EVC: variants seen among roughly 807,000 people sequenced by gnomAD.
EVC encodes the protein evC complex member EVC.
Under a neutral mutation model 118.9 loss-of-function variants are expected in EVC, and 116 were observed. The ratio of observed to expected loss-of-function variants is 0.98; its 90% CI spans 0.84 to 1.14. EVC has a LOEUF of 1.14. EVC is among the 50% of genes most tolerant of loss of function. The pLI is 0.00. For missense variants in EVC, 1,401 were observed against 1,246.4 expected, an observed-to-expected ratio of 1.12 and a Z score of -1.87; for synonymous variants, 619 against 534.7, an observed-to-expected ratio of 1.16 and a Z score of -2.18.
the EVC span, chr4:5,826,815 C>T: frequency 2.6e-5 from 4 of 152,548 alleles, no homozygotes; most frequent in Non-Finnish European, 5.9e-5. Context: ...TGATAGCACC[C>T]TGACCCCCAG....
chr4:5,733,284 GC>G, intron 4 of EVC, 66 bp from the exon 5 acceptor site: 1 of 1,318,898 alleles, frequency 7.6e-7, no homozygotes, highest in South Asian at 1.2e-5. Flanking sequence ...TGAGGGACGT[GC>G]CAATATTCTT....
chr4:5,777,393 C>T (rs1577537271), intron 11 of EVC, among the ~76,000 whole-genome samples: 1 of 152,098 alleles, frequency 6.6e-6, no homozygotes, highest in Non-Finnish European at 1.5e-5. Flanking sequence ...CAGGCCCCCA[C>T]CCGTAATGAA....
At chr4:5,828,712 C>A in the EVC span, 1 of 1,599,292 alleles carries the variant, frequency 6.3e-7, no homozygotes, top group Non-Finnish European at 8.6e-7. Context: ...TTTGCTCTGC[C>A]CCAAACGAGC....
chr4:5,769,103 G>A (rs188513652), intron 11 of EVC, among the ~76,000 whole-genome samples: 287 of 152,182 alleles, frequency 1.9e-3, no homozygotes, highest in Middle Eastern at 0.014. Flanking sequence ...AGATATACCC[G>A]AGACTGAGTA....
chr4:5,781,850 T>C (rs557252274), intron 11 of EVC, among the ~76,000 whole-genome samples: 26 of 152,078 alleles, frequency 1.7e-4, no homozygotes, highest in Admixed American at 3.3e-4. Flanking sequence ...AAAAAGCATC[T>C]GCACAATGAA....
chr4:5,775,861 A>G (rs943980831), intron 11 of EVC, among the ~76,000 whole-genome samples: 1 of 152,178 alleles, frequency 6.6e-6, no homozygotes, highest in African/African-American at 2.4e-5. Flanking sequence ...AAGATTTGGA[A>G]TTTATAGGTC....
chr4:5,782,969 G>T (rs1362720714), intron 11 of EVC, among the ~76,000 whole-genome samples: 1 of 152,146 alleles, frequency 6.6e-6, no homozygotes, highest in Admixed American at 6.5e-5. Context: ...GAGAGCAGGT[G>T]TGAAGCTTGG....
chr4:5,779,764 A>G (rs1735295762), intron 11 of EVC, among the ~76,000 whole-genome samples: 1 of 136,114 alleles, frequency 7.3e-6, no homozygotes, highest in Admixed American at 7.7e-5. Flanking sequence ...GGTTTTCTAG[A>G]TATACAATCA....
chr4:5,828,165 T>C, the EVC span: 1 of 985,394 alleles, frequency 1.0e-6, no homozygotes, highest in East Asian at 1.1e-4. Context: ...GCACCTCCCG[T>C]GGGTGGGCAG....
chr4:5,734,516 G>A (rs1294023307), intron 5 of EVC, among the ~76,000 whole-genome samples: 2 of 152,076 alleles, frequency 1.3e-5, no homozygotes, highest in Non-Finnish European at 2.9e-5. Flanking sequence ...ACTTAGCCTG[G>A]TGCAGTGGTG....
At chr4:5,747,828 A>G (rs900255223) in intron 7 of EVC, among the ~76,000 whole-genome samples, 4 of 152,240 alleles carry the variant, frequency 2.6e-5, no homozygotes, top group African/African-American at 7.2e-5. Flanking sequence ...GTCACATTTC[A>G]TCGGCCCCTA....
chr4:5,733,937 A>G (rs1727258080), intron 5 of EVC, among the ~76,000 whole-genome samples: 1 of 152,160 alleles, frequency 6.6e-6, no homozygotes, highest in East Asian at 1.9e-4. Context: ...AAAGTTATAA[A>G]GCTGCAGGAG....
Position 5,741,217 on chromosome 4 carries a change from A to G in EVC, c.703-499A>G, listed in dbSNP as rs546233511. 2.2e-3 allele frequency among the ~76,000 whole-genome samples: 329 copies of G among 152,324 alleles called. 3 individuals are homozygous for G. Among genetic ancestry groups the G allele is most frequent in the Non-Finnish European group, 2.0e-3 (135 of 68,036 alleles). ...GGGTGAATAGATCAACAAATTGCAG[A>G]TACAGCCCCCTCTGTACTTCCTGGG... On this transcript the variant is annotated intron_variant, in intron 5 of 20. Transcript: ENST00000264956.
At position 5,798,802 on chromosome 4, in the gene EVC, G is replaced by T; in HGVS notation, c.2304+10G>T. ...CAGGGATGACTTCAAGGTATGCACT[G>T]ACCTCTGTCCCTGGGGACACCGAGG... On this transcript the variant is annotated intron_variant, in intron 15 of 20. Coordinates refer to ENST00000264956, the MANE Select transcript of EVC (RefSeq NM_153717.3). This position sits in a 1 kb window ranked among gnomAD's most constrained non-coding sequence, Gnocchi z 4.1. 6.2e-7 allele frequency: 1 copy of T among 1,609,594 alleles called. No individual in the cohort carries two copies. Among genetic ancestry groups the T allele is most frequent in the Non-Finnish European group, 8.5e-7 (1 of 1,179,392 alleles).
chr4:5,804,763 A>G lies in EVC; in HGVS notation c.2483A>G (p.Lys828Arg). 6.2e-7 allele frequency: 1 copy of G among 1,614,198 alleles called. No homozygotes were observed. Among genetic ancestry groups the G allele is most frequent in the Non-Finnish European group, 8.5e-7 (1 of 1,180,042 alleles). The change falls in exon 17 of 21, where the codon AAG (lysine) becomes AGG (arginine). Residue 828 changes from lysine (K) to arginine (R), a missense_variant. Coordinates refer to ENST00000264956, the MANE Select transcript of EVC (RefSeq NM_153717.3). ...ATGGAAAATTACAAACTGCGGAAAA[A>G]GCAAGAACTCAGCAACCCTTCGTCG... ...ERMENYKLRK[K>R]QELSNPSSGS...
At chr4:5,733,226 T>C (rs1250516818) in intron 4 of EVC, 125 bp from the exon 5 acceptor site, 10 of 800,742 alleles carry the variant, frequency 1.2e-5, no homozygotes, top group South Asian at 2.7e-5. Flanking sequence ...GACCTCAGCA[T>C]GCTGCAGAAT....
intron 12 of EVC, among the ~76,000 whole-genome samples, chr4:5,786,509 G>A (rs1326850342): frequency 6.6e-6 from 1 of 152,190 alleles, no homozygotes; most frequent in African/African-American, 2.4e-5. Flanking sequence ...GATTACATAA[G>A]TATGACCCAA....
chr4:5,780,987 C>G (rs1250791473), intron 11 of EVC, among the ~76,000 whole-genome samples: 1 of 152,176 alleles, frequency 6.6e-6, no homozygotes, highest in African/African-American at 2.4e-5. Context: ...TGTTGTCTAC[C>G]AGGAAGCTAT....
intron 5 of EVC, among the ~76,000 whole-genome samples, chr4:5,736,699 A>G (rs535316987): frequency 1.3e-4 from 20 of 152,242 alleles, no homozygotes; most frequent in African/African-American, 4.6e-4. Context: ...CTTTGACGTT[A>G]TGATTGTAAT....
Sources: gnomAD v4.1 joint callset for allele counts (sites outside exome capture counted in the v4.1 genomes callset) on GRCh38, gnomAD v4.1.1 for gene constraint, Gnocchi (gnomAD v3.1) non-coding constraint, MANE v1.5 for transcripts, NCBI Gene and HGNC (gene_info 2026-07-23, HGNC 2026-07-21) for gene names.